Variants in COL27A1 observed in about 807,000 individuals in gnomAD.
COL27A1 encodes collagen alpha-1(XXVII) chain.
In COL27A1, 106 loss-of-function variants were observed where a neutral mutation model predicts 251.3. That is an observed-to-expected ratio of 0.42 (90% CI 0.36 to 0.50). The LOEUF (loss-of-function observed/expected upper bound fraction) is 0.50, where lower values mean the gene tolerates loss of function less well. Among genes scored for constraint, COL27A1 ranks in the 20% least tolerant of loss-of-function variants. COL27A1 has a pLI of 0.00. For synonymous variants in COL27A1, 1,000 were observed against 986.3 expected, an observed-to-expected ratio of 1.01 and a Z score of -0.26; for missense variants, 2,325 against 2,522.8, an observed-to-expected ratio of 0.92 and a Z score of 1.68.
chr9:114,196,991 C>T (rs1412158521), intron 7 of COL27A1, among the ~76,000 whole-genome samples: 2 of 152,212 alleles, frequency 1.3e-5, no homozygotes, highest in African/African-American at 4.8e-5. Context: ...CATGCCTCAC[C>T]AACCAGGGTG....
At chr9:114,293,294 T>TG (rs1385401073) in intron 49 of COL27A1, among the ~76,000 whole-genome samples, 1 of 152,194 alleles carries the variant, frequency 6.6e-6, no homozygotes, top group Non-Finnish European at 1.5e-5. Context: ...AAATGACCCA[T>TG]GGGTCAAAGA....
At chr9:114,291,992 C>G (rs1827952976) in intron 48 of COL27A1, 111 bp from the exon 49 acceptor site, 2 of 956,812 alleles carry the variant, frequency 2.1e-6, no homozygotes, top group South Asian at 2.8e-5. Flanking sequence ...ATTCTGCAAT[C>G]TCGGGTACCC....
rs538020396 is a variant in COL27A1 at position 114,156,061 on chromosome 9, A to G, written c.62+49A>G. On this transcript the variant is annotated intron_variant, in intron 1 of 60. Transcript: ENST00000356083. Reference sequence around the variant, plus strand: ...CCCTCCCTAGCTTCCTGCTGCTCCAATCTCGGGGAGGGCCGGGGTTCCCCG... The same window carrying G: ...CCCTCCCTAGCTTCCTGCTGCTCCAGTCTCGGGGAGGGCCGGGGTTCCCCG... 177 of 1,292,972 alleles carry G rather than the reference A, an allele frequency of 1.4e-4. No individual in the cohort carries two copies. The South Asian group carries it at 3.7e-3, about 27-fold the overall frequency. The allele number at this position is 1,292,972 out of a possible 1,614,324, so 80.1% of individuals were successfully genotyped here.
At position 114,264,963 on chromosome 9, in the gene COL27A1, C is replaced by T; in HGVS notation, c.3289C>T (p.Gln1097Ter). Residue 1097 changes from glutamine to a stop codon, truncating the protein, a stop_gained, in exon 30 of 61, where the codon CAG becomes TAG. Coordinates refer to ENST00000356083, the MANE Select transcript of COL27A1 (RefSeq NM_032888.4). LOFTEE classifies it high-confidence loss of function. ...GPQGRPGRPG[Q>*]QGVAGERGHL... ...CCAGGGCAGACCGGGCCGGCCTGGA[C>T]AGCAGGTATGTCAGGCCAAGGCCAA... 6.2e-7 allele frequency: 1 copy of T among 1,613,448 alleles called. No homozygotes were observed. The highest frequency in any genetic ancestry group is 8.5e-7 in the Non-Finnish European group (1 of 1,179,588).
intron 16 of COL27A1, among the ~76,000 whole-genome samples, chr9:114,234,366 T>C (rs1210431367): frequency 6.6e-6 from 1 of 152,234 alleles, no homozygotes. Flanking sequence ...TGTTAGGTCA[T>C]GGCCTTAGCC....
At chr9:114,217,928 A>C (rs1830814362) in intron 12 of COL27A1, 1 of 427,036 alleles carries the variant, frequency 2.3e-6, no homozygotes, top group Admixed American at 2.7e-5. Flanking sequence ...AGCTTGGGCA[A>C]CATGGAGAAA....
chr9:114,262,918 A>G (rs1588809673), intron 28 of COL27A1, among the ~76,000 whole-genome samples: 3 of 148,360 alleles, frequency 2.0e-5, no homozygotes, highest in South Asian at 4.3e-4. Flanking sequence ...CCAATTATTC[A>G]TTGAAAATTT....
At chr9:114,207,099 C>G (rs1010729439) in intron 10 of COL27A1, among the ~76,000 whole-genome samples, 2 of 152,220 alleles carry the variant, frequency 1.3e-5, no homozygotes, top group Non-Finnish European at 2.9e-5. Flanking sequence ...GGACCCAAGT[C>G]TTCCGAGGCC....
rs539223427 is a variant in COL27A1 at position 114,234,394 on chromosome 9, G to A, written c.2566-1205G>A. ...CCTTAGCCATGTGTGGGTTTTCTAA[G>A]GTTTTCCATTTTTCCTGGGTTTTTC... On this transcript the variant is annotated intron_variant, in intron 16 of 60. Transcript: ENST00000356083. Among the ~76,000 whole-genome samples, 12 of 152,162 alleles carry A rather than the reference G, an allele frequency of 7.9e-5. No individual in the cohort carries two copies. In the South Asian group the frequency reaches 2.1e-3, roughly 26 times the overall value.
chr9:114,276,013 T>G (rs1038617639), intron 37 of COL27A1, among the ~76,000 whole-genome samples: 1 of 152,206 alleles, frequency 6.6e-6, no homozygotes, highest in Non-Finnish European at 1.5e-5. Context: ...CCTGCCGACC[T>G]CATCTCATCC....
chr9:114,264,677 C>T (rs1274730915), intron 29 of COL27A1, among the ~76,000 whole-genome samples: 2 of 152,154 alleles, frequency 1.3e-5, no homozygotes, highest in African/African-American at 2.4e-5. Context: ...AGGCCCCTGA[C>T]AGCTGAGACT....
chr9:114,248,901 T>C (rs1472080621), intron 24 of COL27A1, among the ~76,000 whole-genome samples: 1 of 152,222 alleles, frequency 6.6e-6, no homozygotes, highest in Non-Finnish European at 1.5e-5. Context: ...ATCCTCTAAA[T>C]GTCTGACTGC....
chr9:114,211,021 A>G lies in COL27A1; in HGVS notation c.2362A>G (p.Met788Val). Residue 788 changes from methionine to valine, a missense_variant, in exon 12 of 61, where the codon ATG becomes GTG. This residue lies in a region of COL27A1 where 1,183 missense variants were observed against 1,144.1 expected (regional missense o/e 1.03). Transcript: ENST00000356083. ...TCCTGGCAAGAGGGGCAAGATGGGT[A>G]TGCCGGTAAAGATTTTCCGTGTCTA... is the stretch of plus-strand genomic sequence containing the variant. The part of the protein sequence containing the change: ...GVPGKRGKMG[M>V]PGFPGVFGER... The G allele has an allele frequency of 6.2e-7, 1 of 1,614,206 alleles. No homozygotes were observed. Among genetic ancestry groups the G allele is most frequent in the Non-Finnish European group, 8.5e-7 (1 of 1,180,004 alleles).
intron 7 of COL27A1, among the ~76,000 whole-genome samples, chr9:114,203,261 CGAAT>C (rs1829700070): frequency 1.3e-5 from 2 of 152,160 alleles, no homozygotes; most frequent in Non-Finnish European, 2.9e-5. Flanking sequence ...AAATGTTTAT[CGAAT>C]GAATGAATGA....
intron 35 of COL27A1, 55 bp downstream of exon 35, chr9:114,269,349 AG>A: frequency 7.5e-7 from 1 of 1,325,792 alleles, no homozygotes; most frequent in Non-Finnish European, 1.1e-6. Flanking sequence ...TGGGTGCCGC[AG>A]GGGAAGAGAC....
At chr9:114,209,536 C>T (rs768681820) in intron 10 of COL27A1, 139 bp from the exon 11 acceptor site, 10 of 814,862 alleles carry the variant, frequency 1.2e-5, no homozygotes, top group Non-Finnish European at 2.0e-5. Flanking sequence ...CATCGAGGAG[C>T]CACCGGAGCT....
intron 28 of COL27A1, among the ~76,000 whole-genome samples, chr9:114,259,157 G>C (rs1834147326): frequency 6.6e-6 from 1 of 152,208 alleles, no homozygotes; most frequent in African/African-American, 2.4e-5. Context: ...GACTGGCAGG[G>C]GAAGACCTGA....
rs956889178 is a variant in COL27A1 at position 114,284,703 on chromosome 9, C to T, written c.3934-21C>T. The stretch of plus-strand genomic sequence containing the variant: ...TTCCTGAGTCCTCATTCTCACTTCC[C>T]TCCTTCTTGTTTGCCTGCAGGGACA... On this transcript the variant is annotated intron_variant, in intron 40 of 60. Coordinates refer to ENST00000356083, the MANE Select transcript of COL27A1 (RefSeq NM_032888.4). The T allele has an allele frequency of 1.5e-5, 24 of 1,613,536 alleles. No homozygotes were observed. The Middle Eastern group carries it at 5.1e-4, about 34-fold the overall frequency.
At position 114,155,859 on chromosome 9, in the gene COL27A1, C is replaced by T. The variant is rs1416721965; in HGVS notation, c.-92C>T. 5 of 1,007,166 alleles carry T rather than the reference C, an allele frequency of 5.0e-6. No individual in the cohort carries two copies. Among genetic ancestry groups the T allele is most frequent in the Non-Finnish European group, 4.8e-6 (4 of 831,634 alleles). 62.4% of individuals were successfully genotyped at this position (1,007,166 alleles called of 1,614,324 possible). A position where few individuals can be genotyped will look rare whatever the true frequency, so the allele number is the denominator to read the frequency against. On this transcript the variant is annotated 5_prime_UTR_variant, in exon 1 of 61. Coordinates refer to ENST00000356083, the MANE Select transcript of COL27A1 (RefSeq NM_032888.4). The surrounding 1 kb of genome is among the most constrained non-coding windows in gnomAD (Gnocchi z 5.5). ...GGCGCGGGGGCCGCGCGCTCTAAGC[C>T]GGCCTGGCGCGGCGGGGCGGGGGGC...
Sources: gnomAD v4.1 joint callset for allele counts (sites outside exome capture counted in the v4.1 genomes callset) on GRCh38, gnomAD v4.1.1 for gene constraint, gnomAD v4.1.1 regional missense constraint, Gnocchi (gnomAD v3.1) non-coding constraint, MANE v1.5 for transcripts, NCBI Gene and HGNC (gene_info 2026-07-23, HGNC 2026-07-21) for gene names.